Variants in RHPN2 observed in about 807,000 individuals in gnomAD.
RHPN2 encodes rhophilin Rho GTPase binding protein 2.
RHPN2 carries 40 observed loss-of-function variants against 79.0 expected under a neutral mutation model. The observed-to-expected ratio is 0.51, with a 90% CI of 0.39 to 0.66. RHPN2 has a LOEUF of 0.66. Ranked by LOEUF, RHPN2 falls within the 30% of genes least tolerant of loss-of-function variation. The pLI, the probability that RHPN2 is intolerant of heterozygous loss-of-function variation, is 0.00. For synonymous variants in RHPN2, 285 were observed against 363.5 expected (o/e 0.78, Z 2.46); for missense variants, 686 against 883.5 (o/e 0.78, Z 2.83).
Position 32,990,134 on chromosome 19 carries a change from G to GAAGA in RHPN2, c.1800+379_1800+380insTCTT, listed in dbSNP as rs1249378484. The stretch of plus-strand genomic sequence containing the variant: ...AAAAAATAAAATTAAAAAAGAAAAT[G>GAAGA]AATAAAGAAAGAAAGAAAGAAAGAA... On this transcript the variant is annotated intron_variant, in intron 14 of 14. Coordinates refer to ENST00000254260, the MANE Select transcript of RHPN2 (RefSeq NM_033103.5). Among the ~76,000 whole-genome samples, 8 of 24,652 alleles carry GAAGA rather than the reference G, an allele frequency of 3.2e-4. No individual in the cohort carries two copies. In the East Asian group the frequency reaches 0.015, roughly 45 times the overall value. 16.2% of individuals were successfully genotyped at this position (24,652 alleles called of 152,430 possible). A position where few individuals can be genotyped will look rare whatever the true frequency, so the allele number is the denominator to read the frequency against.
At chr19:33,051,885 T>G (rs971673368) in intron 1 of RHPN2, among the ~76,000 whole-genome samples, 11 of 64,578 alleles carry the variant, frequency 1.7e-4, no homozygotes, top group Admixed American at 6.5e-4. Flanking sequence ...AGCCCAGGCG[T>G]GGTGGCGTGT....
chr19:33,016,846 G>T (rs1971882160), intron 4 of RHPN2, among the ~76,000 whole-genome samples: 1 of 152,158 alleles, frequency 6.6e-6, no homozygotes, highest in South Asian at 2.1e-4. Context: ...ATATGGAAGG[G>T]AAAAAATACA....
chr19:33,005,957 G>A (rs757138129), intron 7 of RHPN2, among the ~76,000 whole-genome samples: 16 of 152,076 alleles, frequency 1.1e-4, no homozygotes, highest in Admixed American at 5.9e-4. Context: ...GCAATGGCGC[G>A]ATCTTGGCTT....
intron 4 of RHPN2, among the ~76,000 whole-genome samples, chr19:33,014,383 G>T (rs1971861528): frequency 6.6e-6 from 1 of 152,014 alleles, no homozygotes; most frequent in East Asian, 1.9e-4. Flanking sequence ...ATAGCTCACT[G>T]CAGCCTTGAA....
chr19:33,061,331 G>A (rs1401677413), intron 1 of RHPN2, among the ~76,000 whole-genome samples: 40 of 143,726 alleles, frequency 2.8e-4, no homozygotes, highest in African/African-American at 9.1e-4. Flanking sequence ...TCAGCCTCCC[G>A]AGTAGCTGGG....
At chr19:33,061,417 G>T (rs1349452596) in intron 1 of RHPN2, among the ~76,000 whole-genome samples, 6 of 151,496 alleles carry the variant, frequency 4.0e-5, no homozygotes, top group Non-Finnish European at 5.9e-5. Flanking sequence ...GTGTTAGCCA[G>T]GAAGGTCTCG....
chr19:33,010,626 G>A lies in RHPN2; in HGVS notation c.593+1053C>T, dbSNP rs890551436. Among the ~76,000 whole-genome samples the A allele has an allele frequency of 1.4e-4, 22 of 151,790 alleles. No homozygotes were observed. The South Asian group carries it at 2.3e-3, about 16-fold the overall frequency. ...TCTCGAACTCCTGACCTCGTGATCT[G>A]CCTGCCTTGGCCTCCCAAAGTGCTG... On this transcript the variant is annotated intron_variant, in intron 6 of 14. Coordinates refer to ENST00000254260, the MANE Select transcript of RHPN2 (RefSeq NM_033103.5).
intron 14 of RHPN2, among the ~76,000 whole-genome samples, chr19:32,987,781 C>T (rs185145543): frequency 4.6e-5 from 7 of 152,312 alleles, no homozygotes. Flanking sequence ...CATTCGATCT[C>T]CTCCTTTATG....
chr19:33,064,755 T>TGCCC, intron 1 of RHPN2, 29 bp downstream of exon 1: 52 of 1,427,916 alleles, frequency 3.6e-5, no homozygotes, highest in Non-Finnish European at 4.5e-5. Flanking sequence ...AGCCCGCAGG[T>TGCCC]CCCCGCCCGC....
chr19:33,048,049 CCAAGTT>C (rs1972156135), intron 1 of RHPN2, among the ~76,000 whole-genome samples: 2 of 152,134 alleles, frequency 1.3e-5, no homozygotes, highest in South Asian at 4.1e-4. Flanking sequence ...ACACTTTCCC[CCAAGTT>C]CAAATTGCAC....
chr19:33,026,753 G>A (rs1222289306), intron 2 of RHPN2, 121 bp from the exon 3 acceptor site: 4 of 1,210,462 alleles, frequency 3.3e-6, no homozygotes, highest in Non-Finnish European at 4.8e-6. Context: ...GGAGGGCCAG[G>A]AGTGTCGGTT....
intron 2 of RHPN2, among the ~76,000 whole-genome samples, chr19:33,034,005 C>G (rs1376863699): frequency 3.6e-5 from 5 of 139,534 alleles, no homozygotes; most frequent in African/African-American, 1.4e-4. Context: ...CATGTCTCCC[C>G]CCTCCCATCT....
intron 1 of RHPN2, among the ~76,000 whole-genome samples, chr19:33,051,110 G>A (rs1972182683): frequency 6.6e-6 from 1 of 152,148 alleles, no homozygotes; most frequent in Non-Finnish European, 1.5e-5. Context: ...TCCTGTCTCA[G>A]CCTCCTGAGT....
chr19:33,044,119 C>T, intron 2 of RHPN2, 130 bp downstream of exon 2: 1 of 598,468 alleles, frequency 1.7e-6, no homozygotes, highest in South Asian at 1.4e-5. Flanking sequence ...AAGCTATAGG[C>T]AAGAAAGGGA....
chr19:33,030,542 G>A (rs1247188836), intron 2 of RHPN2, among the ~76,000 whole-genome samples: 4 of 152,080 alleles, frequency 2.6e-5, no homozygotes, highest in African/African-American at 9.7e-5. Context: ...GCAGTGAGCT[G>A]AGAGCGCACC....
intron 6 of RHPN2, among the ~76,000 whole-genome samples, chr19:33,008,647 G>A (rs1273579306): frequency 6.6e-6 from 1 of 151,992 alleles, no homozygotes; most frequent in Non-Finnish European, 1.5e-5. Context: ...GCGGGCGCCT[G>A]TAATCTCAGC....
At chr19:32,987,026 G>A (rs945171130) in intron 14 of RHPN2, among the ~76,000 whole-genome samples, 5 of 151,422 alleles carry the variant, frequency 3.3e-5, no homozygotes, top group African/African-American at 4.9e-5. Context: ...ACAGGCATAC[G>A]CCACCATGCC....
At chr19:33,027,312 T>G (rs1382646745) in intron 2 of RHPN2, 3 of 112,498 alleles carry the variant, frequency 2.7e-5, no homozygotes, top group Non-Finnish European at 5.7e-5. Context: ...TCACAGTACA[T>G]AAATAAATAA....
chr19:33,048,972 T>G (rs1211057109), intron 1 of RHPN2, among the ~76,000 whole-genome samples: 6 of 152,084 alleles, frequency 3.9e-5, no homozygotes, highest in Non-Finnish European at 7.4e-5. Context: ...ATGTTTTTTT[T>G]TCTGTTCGTA....
Sources: gnomAD v4.1 joint callset for allele counts (sites outside exome capture counted in the v4.1 genomes callset) on GRCh38, gnomAD v4.1.1 for gene constraint, MANE v1.5 for transcripts, NCBI Gene and HGNC (gene_info 2026-07-23, HGNC 2026-07-21) for gene names.